RAB11FIP3: variants seen among roughly 807,000 people sequenced by gnomAD.
RAB11FIP3 encodes the protein rab11 family-interacting protein 3.
In RAB11FIP3, 17 loss-of-function variants were observed where a neutral mutation model predicts 77.8. The ratio of observed to expected loss-of-function variants is 0.22; its 90% CI spans 0.15 to 0.33. The LOEUF (loss-of-function observed/expected upper bound fraction) is 0.33, where lower values mean the gene tolerates loss of function less well. RAB11FIP3 is among the 10% of genes least tolerant of loss of function. The pLI is 1.00. For synonymous variants in RAB11FIP3, 437 were observed against 448.2 expected, an observed-to-expected ratio of 0.98 and a Z score of 0.31; for missense variants, 1,005 against 1,011.2, an observed-to-expected ratio of 0.99 and a Z score of 0.08.
intron 1 of RAB11FIP3, among the ~76,000 whole-genome samples, chr16:452,751 A>AT (rs993384699): frequency 7.6e-5 from 3 of 39,410 alleles, no homozygotes; most frequent in African/African-American, 2.3e-4. Context: ...TTATTTTTTA[A>AT]TTTTTTTTTA....
intron 6 of RAB11FIP3, among the ~76,000 whole-genome samples, chr16:498,415 T>G (rs2031295772): frequency 6.6e-6 from 1 of 152,180 alleles, no homozygotes; most frequent in African/African-American, 2.4e-5. Context: ...GCTGAAGGGA[T>G]CCTCCCACCT....
rs139836747 is a variant in RAB11FIP3 at position 488,893 on chromosome 16, C to T, written c.1158C>T (p.Gly386=). 1,096 of 1,613,954 alleles carry T rather than the reference C, an allele frequency of 6.8e-4. 5 individuals are homozygous for T. The highest frequency in any genetic ancestry group is 4.0e-3 in the South Asian group (363 of 91,062). The change falls in exon 5 of 14, where the codon GGC becomes GGT. Residue 386 remains glycine (G), a synonymous_variant. Coordinates refer to ENST00000262305, the MANE Select transcript of RAB11FIP3 (RefSeq NM_014700.4). The part of the protein sequence containing the change: ...HGQSVITVIG[G]EEHFEDYGEG... The stretch of plus-strand genomic sequence containing the variant: ...AGTCTGTCATCACGGTGATCGGGGG[C>T]GAGGAGCACTTTGAGGACTACGGTG...
intron 2 of RAB11FIP3, among the ~76,000 whole-genome samples, chr16:469,734 A>C (rs1445249146): frequency 1.3e-5 from 2 of 152,170 alleles, no homozygotes; most frequent in East Asian, 3.9e-4. Flanking sequence ...TATATTGCCC[A>C]GGCCAGTCTT....
At chr16:481,237 G>A (rs1006374583) in intron 3 of RAB11FIP3, among the ~76,000 whole-genome samples, 5 of 151,942 alleles carry the variant, frequency 3.3e-5, no homozygotes, top group African/African-American at 1.2e-4. Flanking sequence ...CCTGGCTGGC[G>A]CTGTGGCTCA....
At chr16:436,868 C>T (rs572102526) in intron 1 of RAB11FIP3, among the ~76,000 whole-genome samples, 2 of 152,150 alleles carry the variant, frequency 1.3e-5, no homozygotes, top group African/African-American at 2.4e-5. Flanking sequence ...GCGTAACCAT[C>T]TTGCTAGGCC....
At position 461,536 on chromosome 16, in the gene RAB11FIP3, G is replaced by A. The variant is rs764109095; in HGVS notation, c.808+39G>A. 4.5e-5 allele frequency: 70 copies of A among 1,551,144 alleles called. No homozygotes were observed. In the East Asian group the frequency reaches 6.5e-4, roughly 14 times the overall value. ...GCCATGAGCTCCCACCTCCTCTCCC[G>A]TTCCTCAGCCACCCTCTCAGCCACC... On this transcript the variant is annotated intron_variant, in intron 2 of 13. Coordinates refer to ENST00000262305, the MANE Select transcript of RAB11FIP3 (RefSeq NM_014700.4). This position sits in a 1 kb window ranked among gnomAD's most constrained non-coding sequence, Gnocchi z 4.5.
At chr16:428,468 G>A (rs775202781) in intron 1 of RAB11FIP3, among the ~76,000 whole-genome samples, 3 of 152,136 alleles carry the variant, frequency 2.0e-5, no homozygotes, top group Non-Finnish European at 4.4e-5. Context: ...AGTTAGGAGA[G>A]TACCACATTT....
At chr16:482,775 G>T (rs759375663) in intron 4 of RAB11FIP3, 39 bp downstream of exon 4, 47 of 1,548,650 alleles carry the variant, frequency 3.0e-5, no homozygotes, top group Non-Finnish European at 3.8e-5. Flanking sequence ...GAGGCCTTGG[G>T]ATGTGGCACC....
intron 1 of RAB11FIP3, among the ~76,000 whole-genome samples, chr16:428,090 G>C (rs1276362816): frequency 1.3e-4 from 17 of 132,448 alleles, no homozygotes; most frequent in Non-Finnish European, 1.9e-4. Context: ...GACAGAGCGA[G>C]ACTTCGTCTC....
chr16:492,461 G>A (rs2030562023), intron 5 of RAB11FIP3, among the ~76,000 whole-genome samples: 2 of 36,332 alleles, frequency 5.5e-5, no homozygotes, highest in African/African-American at 2.3e-4. Context: ...GCCCTTCCCG[G>A]GGAGACCCGA....
chr16:517,820 C>T lies in RAB11FIP3; in HGVS notation c.1641-1123C>T, dbSNP rs533768034. Among the ~76,000 whole-genome samples the T allele has an allele frequency of 3.4e-3, 515 of 152,284 alleles. 2 individuals carry two copies. Among genetic ancestry groups the T allele is most frequent in the Non-Finnish European group, 5.5e-3 (372 of 68,034 alleles). ...GATCTTGGCCGGGCGCGGTGGCTCA[C>T]GCCTGTAATCCCAGCACTTTGGGAG... is the stretch of plus-strand genomic sequence containing the variant. On this transcript the variant is annotated intron_variant, in intron 9 of 13. Coordinates refer to ENST00000262305, the MANE Select transcript of RAB11FIP3 (RefSeq NM_014700.4).
chr16:444,025 A>T (rs916947975), intron 1 of RAB11FIP3, among the ~76,000 whole-genome samples: 1 of 152,180 alleles, frequency 6.6e-6, no homozygotes, highest in Non-Finnish European at 1.5e-5. Context: ...GCATGTTAAT[A>T]AACAAGTGTT....
Position 426,368 on chromosome 16 carries a change from C to T in RAB11FIP3, c.362C>T (p.Pro121Leu), listed in dbSNP as rs779597265. Residue 121 changes from proline (P) to leucine (L), a missense_variant, in exon 1 of 14, where the codon CCG (proline) becomes CTG (leucine). Pro to Leu is a moderately conservative substitution (Grantham distance 98, BLOSUM62 -3). This residue lies in a region of RAB11FIP3 where 466 missense variants were observed against 408.3 expected (regional missense o/e 1.14). Coordinates refer to ENST00000262305, the MANE Select transcript of RAB11FIP3 (RefSeq NM_014700.4). This position sits in a 1 kb window ranked among gnomAD's most constrained non-coding sequence, Gnocchi z 5.0. ...RSEAPLPELD[P>L]LFSWTEEPEE... is the part of the protein sequence containing the mutation. Reference sequence around the variant, plus strand: ...GAAGCGCCGCTTCCAGAACTCGACCCGTTGTTCTCCTGGACTGAGGAGCCC... The same window carrying T: ...GAAGCGCCGCTTCCAGAACTCGACCTGTTGTTCTCCTGGACTGAGGAGCCC... The T allele has an allele frequency of 3.2e-6, 5 of 1,544,876 alleles. No individual in the cohort carries two copies. The highest frequency in any genetic ancestry group is 2.6e-6 in the Non-Finnish European group (3 of 1,148,000).
chr16:463,423 T>A (rs1447663130), intron 2 of RAB11FIP3, among the ~76,000 whole-genome samples: 1 of 147,074 alleles, frequency 6.8e-6, no homozygotes. Flanking sequence ...CTGTGTGTTG[T>A]TCCCCGGTTT....
intron 8 of RAB11FIP3, among the ~76,000 whole-genome samples, chr16:508,258 C>T (rs763362255): frequency 1.4e-4 from 21 of 152,190 alleles, no homozygotes; most frequent in Non-Finnish European, 2.5e-4. Context: ...CCTCTGGTGC[C>T]GCAGGGCCTT....
At chr16:446,460 T>G (rs1160336616) in intron 1 of RAB11FIP3, among the ~76,000 whole-genome samples, 1 of 152,170 alleles carries the variant, frequency 6.6e-6, no homozygotes, top group African/African-American at 2.4e-5. Flanking sequence ...GCAGGCTGTC[T>G]TCCAGGTGGC....
At chr16:459,090 C>A (rs984439457) in intron 1 of RAB11FIP3, among the ~76,000 whole-genome samples, 1 of 151,676 alleles carries the variant, frequency 6.6e-6, no homozygotes, top group Admixed American at 6.6e-5. Context: ...ATGAACAGTT[C>A]CTTAATATCA....
At chr16:516,100 G>A (rs1410566803) in intron 9 of RAB11FIP3, among the ~76,000 whole-genome samples, 1 of 152,216 alleles carries the variant, frequency 6.6e-6, no homozygotes, top group Non-Finnish European at 1.5e-5. Context: ...TTTGGAAGGG[G>A]TTGCATCTGC....
intron 1 of RAB11FIP3, among the ~76,000 whole-genome samples, chr16:445,161 G>A (rs376896353): frequency 7.0e-6 from 1 of 143,098 alleles, no homozygotes. Context: ...GGCTGGGTGC[G>A]GTGGCTCACA....
Sources: gnomAD v4.1 joint callset for allele counts (sites outside exome capture counted in the v4.1 genomes callset) on GRCh38, gnomAD v4.1.1 for gene constraint, gnomAD v4.1.1 regional missense constraint, Gnocchi (gnomAD v3.1) non-coding constraint, MANE v1.5 for transcripts, NCBI Gene and HGNC (gene_info 2026-07-23, HGNC 2026-07-21) for gene names.